The following LRP1B variants were observed in gnomAD, a reference collection of about 807,000 sequenced individuals.
LRP1B encodes low-density lipoprotein receptor-related protein 1B.
A neutral mutation model predicts 556.6 loss-of-function variants in LRP1B; 217 were observed. The observed-to-expected ratio is 0.39, with a 90% confidence interval of 0.35 to 0.44. LRP1B has a LOEUF of 0.44. Ranked by LOEUF, LRP1B falls within the 20% of genes least tolerant of loss-of-function variation. The pLI, the probability that LRP1B is intolerant of heterozygous loss-of-function variation, is 1.00. For synonymous variants in LRP1B, 2,047 were observed against 1,865.8 expected (o/e 1.10, Z -2.50); for missense variants, 5,053 against 5,620.8 (o/e 0.90, Z 3.23).
intron 83 of LRP1B, among the ~76,000 whole-genome samples, chr2:140,304,792 T>C (rs1683994222): frequency 6.6e-6 from 1 of 152,194 alleles, no homozygotes; most frequent in Admixed American, 6.5e-5. Flanking sequence ...GTTTTAGGTC[T>C]AACGTTTAAG....
intron 41 of LRP1B, among the ~76,000 whole-genome samples, chr2:140,666,362 G>T (rs890625114): frequency 6.6e-6 from 1 of 151,792 alleles, no homozygotes; most frequent in Admixed American, 6.6e-5. Flanking sequence ...CAAAATGTTG[G>T]GGGAGGGCAT....
rs199938483 is a variant in LRP1B, at chr2:140,536,622, G to T, written c.7601C>A (p.Pro2534His). The change falls in exon 46 of 91, where the codon CCT (proline) becomes CAT (histidine). Residue 2534 changes from proline to histidine, a missense_variant. Coordinates refer to ENST00000389484, the MANE Select transcript of LRP1B (RefSeq NM_018557.3). ...TTCATCTGATTTATCTTTACAGTGA[G>T]GAATGCCATCACAGGTGAGCTGGTA... ...IDYQLTCDGIPHCKDKSDEKL... is the reference protein window; with the variant it reads ...IDYQLTCDGIHHCKDKSDEKL... 1 of 1,610,856 alleles carries T rather than the reference G, an allele frequency of 6.2e-7. No homozygotes were observed. Among genetic ancestry groups the T allele is most frequent in the Non-Finnish European group, 8.5e-7 (1 of 1,178,562 alleles).
At chr2:140,361,586 T>G (rs1682520278) in intron 72 of LRP1B, among the ~76,000 whole-genome samples, 1 of 150,906 alleles carries the variant, frequency 6.6e-6, no homozygotes, top group Non-Finnish European at 1.5e-5. Context: ...ACATCTTTGC[T>G]GAAACATGTT....
chr2:141,720,926 A>G (rs1340994626), intron 2 of LRP1B, among the ~76,000 whole-genome samples: 2 of 152,126 alleles, frequency 1.3e-5, no homozygotes, highest in Non-Finnish European at 1.5e-5. Flanking sequence ...TTAATACTTT[A>G]ATTATTGCAT....
chr2:141,171,037 C>A (rs1261636592), intron 7 of LRP1B, among the ~76,000 whole-genome samples: 1 of 151,884 alleles, frequency 6.6e-6, no homozygotes, highest in Non-Finnish European at 1.5e-5. Flanking sequence ...TTTTTTATGG[C>A]AGTTTTATGT....
intron 41 of LRP1B, among the ~76,000 whole-genome samples, chr2:140,679,250 A>T (rs911696667): frequency 6.6e-6 from 1 of 152,174 alleles, no homozygotes; most frequent in Non-Finnish European, 1.5e-5. Flanking sequence ...TAAAGGCCCT[A>T]TTTCCACATA....
chr2:140,469,362 ACACTGATTCTACTGG>A (rs1687675215), intron 60 of LRP1B, among the ~76,000 whole-genome samples: 1 of 152,180 alleles, frequency 6.6e-6, no homozygotes, highest in Admixed American at 6.5e-5. Context: ...CCTTTACTAG[ACACTGATTCTACTGG>A]CACTTTTATT....
chr2:141,389,696 A>C, intron 3 of LRP1B, among the ~76,000 whole-genome samples: 1 of 152,244 alleles, frequency 6.6e-6, no homozygotes, highest in East Asian at 1.9e-4. Flanking sequence ...GCGAAAAAGC[A>C]ATCTACAGAA....
intron 2 of LRP1B, among the ~76,000 whole-genome samples, chr2:141,678,927 G>A (rs354854): frequency 0.22 from 33,818 of 151,962 alleles, 5,372 homozygotes; most frequent in African/African-American, 0.44. Context: ...GTAACTTGCT[G>A]CTAATGAATA....
At chr2:140,531,325 C>T (rs1690682573) in intron 47 of LRP1B, among the ~76,000 whole-genome samples, 1 of 152,120 alleles carries the variant, frequency 6.6e-6, no homozygotes, top group African/African-American at 2.4e-5. Flanking sequence ...TAGGTCTTCT[C>T]ATTTCTTTTC....
intron 32 of LRP1B, among the ~76,000 whole-genome samples, chr2:140,779,149 A>C (rs1032440174): frequency 6.6e-6 from 1 of 152,080 alleles, no homozygotes; most frequent in African/African-American, 2.4e-5. Flanking sequence ...ATTCACCAGC[A>C]AAAAGAATAG....
intron 3 of LRP1B, among the ~76,000 whole-genome samples, chr2:141,453,252 A>G (rs1372085593): frequency 6.6e-6 from 1 of 152,058 alleles, no homozygotes; most frequent in Non-Finnish European, 1.5e-5. Flanking sequence ...AAAAAAAAAT[A>G]CACAAAATAA....
intron 1 of LRP1B, among the ~76,000 whole-genome samples, chr2:142,019,871 C>T (rs1320823733): frequency 1.3e-5 from 2 of 152,154 alleles, no homozygotes; most frequent in Non-Finnish European, 2.9e-5. Context: ...TTTTCAAATC[C>T]TTGCTCAGAT....
rs543741220 is a variant in LRP1B, at chr2:141,510,359, G to A, written c.206-29826C>T. ...AAACCCTTTTTTACACAAAAATGCC[G>A]TCTCTCTCAAAAGAAAGAATTTCCA... On this transcript the variant is annotated intron_variant, in intron 2 of 90. Coordinates refer to ENST00000389484, the MANE Select transcript of LRP1B (RefSeq NM_018557.3). Among the ~76,000 whole-genome samples the A allele has an allele frequency of 1.3e-4, 19 of 151,856 alleles. 1 individual carries two copies. The highest frequency in any genetic ancestry group is 1.0e-3 in the South Asian group (5 of 4,804).
At chr2:141,840,257 C>CTTTTTT (rs565362139) in intron 1 of LRP1B, among the ~76,000 whole-genome samples, 25 of 84,234 alleles carry the variant, frequency 3.0e-4, no homozygotes, top group Non-Finnish European at 3.7e-4. Flanking sequence ...AACAAATTTC[C>CTTTTTT]TTTTTTTTTT....
chr2:140,530,450 T>C (rs532881428), intron 47 of LRP1B, among the ~76,000 whole-genome samples: 1 of 152,088 alleles, frequency 6.6e-6, no homozygotes, highest in African/African-American at 2.4e-5. Context: ...TTGCATAATA[T>C]AAGTCTTTAT....
At chr2:140,798,990 AT>A (rs1559125894) in intron 32 of LRP1B, among the ~76,000 whole-genome samples, 1 of 152,208 alleles carries the variant, frequency 6.6e-6, no homozygotes, top group Non-Finnish European at 1.5e-5. Context: ...TGCTCTGTAA[AT>A]AACAGTTACT....
chr2:141,132,894 T>TTAAATTTAAAATTTA (rs1701394218), intron 7 of LRP1B, among the ~76,000 whole-genome samples: 1 of 152,040 alleles, frequency 6.6e-6, no homozygotes, highest in Non-Finnish European at 1.5e-5. Flanking sequence ...AAAATTTAAA[T>TTAAATTTAAAATTTA]GTACTATTCA....
chr2:140,693,688 A>G (rs893707269), intron 41 of LRP1B, among the ~76,000 whole-genome samples: 6 of 151,312 alleles, frequency 4.0e-5, no homozygotes, highest in African/African-American at 1.5e-4. Flanking sequence ...AGCTTTTTTA[A>G]GATCACATTA....
Sources: allele counts gnomAD v4.1 joint callset (sites outside exome capture counted in the v4.1 genomes callset), GRCh38; gene constraint gnomAD v4.1.1; transcripts MANE v1.5; gene names NCBI Gene and HGNC (gene_info 2026-07-23, HGNC 2026-07-21).